Variants in SPECC1L observed in about 807,000 individuals in gnomAD.
The protein encoded by SPECC1L is sperm antigen with calponin homology and coiled-coil domains 1 like.
SPECC1L carries 40 observed loss-of-function variants against 116.8 expected under a neutral mutation model. The ratio of observed to expected loss-of-function variants is 0.34; its 90% CI spans 0.27 to 0.45. The LOEUF is 0.45. Among genes scored for constraint, SPECC1L ranks in the 20% least tolerant of loss-of-function variants. The probability of loss-of-function intolerance (pLI) is 1.00; values close to 1 mark genes in which losing one functional copy is unlikely to be tolerated. For missense variants in SPECC1L, 1,110 were observed against 1,373.6 expected (o/e 0.81, Z 3.03); for synonymous variants, 504 against 500.6 (o/e 1.01, Z -0.09).
chr22:24,297,136 A>T (rs1425802259), intron 2 of SPECC1L, among the ~76,000 whole-genome samples: 2 of 150,480 alleles, frequency 1.3e-5, no homozygotes. Flanking sequence ...GAGTTTTACC[A>T]TGTTGACCAG....
At chr22:24,378,193 A>T (rs913067827) in intron 14 of SPECC1L, among the ~76,000 whole-genome samples, 3 of 152,206 alleles carry the variant, frequency 2.0e-5, no homozygotes, top group Admixed American at 2.0e-4. Context: ...TATGTTATGG[A>T]GATGGCTTCT....
intron 14 of SPECC1L, among the ~76,000 whole-genome samples, chr22:24,379,662 T>C (rs1026679440): frequency 1.2e-4 from 18 of 152,200 alleles, no homozygotes; most frequent in African/African-American, 4.1e-4. Context: ...TTGACAGTCT[T>C]GGCTACAAAC....
intron 2 of SPECC1L, among the ~76,000 whole-genome samples, chr22:24,300,836 C>A (rs1480910876): frequency 6.6e-6 from 1 of 152,054 alleles, no homozygotes; most frequent in African/African-American, 2.4e-5. Flanking sequence ...AGCTGATCTT[C>A]GACAAACCTG....
chr22:24,322,840 G>A lies in SPECC1L; in HGVS notation c.1860G>A (p.Glu620=). 1 of 1,611,780 alleles carries A rather than the reference G, an allele frequency of 6.2e-7. No individual in the cohort carries two copies. Among genetic ancestry groups the A allele is most frequent in the Non-Finnish European group, 8.5e-7 (1 of 1,179,042 alleles). Residue 620 remains glutamate (E), a synonymous_variant, in exon 5 of 17, where the codon GAG becomes GAA. Coordinates refer to ENST00000314328, the MANE Select transcript of SPECC1L (RefSeq NM_015330.6). ...TCAGGCTGGACAAAGAAAAAGCAGA[G>A]ACTTTGGCTAGTAGCTTGCAGGAAG... is the stretch of plus-strand genomic sequence containing the variant. ...ESVRLDKEKA[E]TLASSLQEDL...
At chr22:24,344,586 TAAGACCAAA>T in intron 10 of SPECC1L, among the ~76,000 whole-genome samples, 1 of 78,834 alleles carries the variant, frequency 1.3e-5, no homozygotes, top group African/African-American at 5.6e-5. Flanking sequence ...TGCAATTGCA[TAAGACCAAA>T]AAAAAAAAAA....
chr22:24,369,312 G>A lies in SPECC1L; in HGVS notation c.3079G>A (p.Gly1027Ser). 3 of 1,612,112 alleles carry A rather than the reference G, an allele frequency of 1.9e-6. No individual in the cohort carries two copies. The highest frequency in any genetic ancestry group is 2.5e-6 in the Non-Finnish European group (3 of 1,178,168). ...GAAGTGGTGTCAGAAGAAAACAGAAGGCTATCAGGTAATCATATGATTCTT... is the reference window on the plus strand; with the variant it reads ...GAAGTGGTGTCAGAAGAAAACAGAAAGCTATCAGGTAATCATATGATTCTT... The part of the protein sequence containing the change: ...LLKWCQKKTE[G>S]YQNIDITNFS... Residue 1027 changes from glycine to serine, a missense_variant, in exon 14 of 17, where the codon GGC becomes AGC. This residue lies in a region of SPECC1L where 76 missense variants were observed against 148.5 expected (regional missense o/e 0.51). Coordinates refer to ENST00000314328, the MANE Select transcript of SPECC1L (RefSeq NM_015330.6).
chr22:24,381,641 T>G (rs9624466), intron 14 of SPECC1L, among the ~76,000 whole-genome samples: 1 of 151,970 alleles, frequency 6.6e-6, no homozygotes, highest in Non-Finnish European at 1.5e-5. Flanking sequence ...TCCCAGCACT[T>G]TGGGAGGCCG....
intron 6 of SPECC1L, among the ~76,000 whole-genome samples, chr22:24,326,046 C>T (rs976797142): frequency 1.3e-5 from 2 of 152,040 alleles, no homozygotes; most frequent in African/African-American, 2.4e-5. Flanking sequence ...CTCTGCCCCC[C>T]GGGTTCAAGC....
At chr22:24,376,311 C>A (rs187841366) in intron 14 of SPECC1L, among the ~76,000 whole-genome samples, 1 of 152,144 alleles carries the variant, frequency 6.6e-6, no homozygotes, top group African/African-American at 2.4e-5. Context: ...CAGGTGTAGG[C>A]CATCACATCC....
At chr22:24,320,372 AGTT>A (rs2040697000) in intron 4 of SPECC1L, among the ~76,000 whole-genome samples, 1 of 152,230 alleles carries the variant, frequency 6.6e-6, no homozygotes, top group Non-Finnish European at 1.5e-5. Flanking sequence ...AAATTTTAGT[AGTT>A]AAGTAATCAT....
intron 9 of SPECC1L, among the ~76,000 whole-genome samples, chr22:24,337,429 C>T (rs1401713042): frequency 6.6e-6 from 1 of 152,152 alleles, no homozygotes; most frequent in African/African-American, 2.4e-5. Flanking sequence ...GCTGGCGGGA[C>T]AGTGGATGGG....
intron 2 of SPECC1L, among the ~76,000 whole-genome samples, chr22:24,285,803 G>A (rs780592888): frequency 1.1e-4 from 16 of 152,006 alleles, no homozygotes; most frequent in Admixed American, 2.0e-4. Context: ...CACCAAGCCC[G>A]GCTAATTTTT....
chr22:24,359,225 T>A (rs374283948), intron 11 of SPECC1L, among the ~76,000 whole-genome samples: 22 of 152,344 alleles, frequency 1.4e-4, no homozygotes, highest in East Asian at 5.8e-4. Context: ...ATCTTACTTT[T>A]GTCCCCACCA....
At chr22:24,299,789 A>G (rs1048384453) in intron 2 of SPECC1L, among the ~76,000 whole-genome samples, 5 of 152,202 alleles carry the variant, frequency 3.3e-5, no homozygotes, top group Admixed American at 2.0e-4. Context: ...GTGGTTTTCA[A>G]TATATTCACA....
chr22:24,392,403 T>C (rs1034908325), intron 14 of SPECC1L, among the ~76,000 whole-genome samples: 1 of 152,354 alleles, frequency 6.6e-6, no homozygotes, highest in African/African-American at 2.4e-5. Flanking sequence ...TCATCCACTT[T>C]GGATGGGATG....
chr22:24,388,411 G>T (rs1036673575), intron 14 of SPECC1L, among the ~76,000 whole-genome samples: 1 of 151,538 alleles, frequency 6.6e-6, no homozygotes, highest in Admixed American at 6.6e-5. Context: ...CAAAGGACAT[G>T]AACTCATCAT....
In SPECC1L at chr22:24,363,314, C is replaced by A. The variant is rs765806069; in HGVS notation, c.2797C>A (p.Pro933Thr). Reference protein sequence around the residue: ...ASRPASLPRVPAMESAKTLSV... With the variant: ...ASRPASLPRVTAMESAKTLSV... ...CCGGCCTGCTTCCCTGCCAAGAGTG[C>A]CTGCGATGGAAAGTGCCAAGACCCT... Residue 933 changes from proline to threonine, a missense_variant, in exon 12 of 17, where the codon CCT (proline) becomes ACT (threonine). Physicochemically the swap from Pro to Thr is conservative, Grantham distance 38. Coordinates refer to ENST00000314328, the MANE Select transcript of SPECC1L (RefSeq NM_015330.6). 5.6e-6 allele frequency: 9 copies of A among 1,614,000 alleles called. No homozygotes were observed. The South Asian group carries it at 7.7e-5, about 14-fold the overall frequency.
rs183848878 is a variant in SPECC1L, at chr22:24,298,360, T to G, written c.-37-3835T>G. ...GCGTCTTTATGTATAGGCAAAAACA[T>G]AGTATATATGGAGTTGGGCAATATC... is the stretch of plus-strand genomic sequence containing the variant. On this transcript the variant is annotated intron_variant, in intron 2 of 16. Transcript: ENST00000314328. 2.1e-4 allele frequency among the ~76,000 whole-genome samples: 32 copies of G among 152,320 alleles called. No homozygotes were observed. In the East Asian group the frequency reaches 3.5e-3, roughly 17 times the overall value.
At chr22:24,332,153 C>T (rs547263332) in intron 8 of SPECC1L, among the ~76,000 whole-genome samples, 17 of 152,228 alleles carry the variant, frequency 1.1e-4, no homozygotes, top group African/African-American at 3.9e-4. Context: ...GTTAAGACAG[C>T]CTATCACTTA....
Sources: allele counts gnomAD v4.1 joint callset (sites outside exome capture counted in the v4.1 genomes callset), GRCh38; gene constraint gnomAD v4.1.1; regional missense constraint gnomAD v4.1.1; transcripts MANE v1.5; gene names NCBI Gene and HGNC (gene_info 2026-07-23, HGNC 2026-07-21).